Variants in DMD observed in about 807,000 individuals in gnomAD.
DMD encodes the protein dystrophin.
In DMD, 63 loss-of-function variants were observed where a neutral mutation model predicts 330.1. The ratio of observed to expected loss-of-function variants is 0.19; its 90% CI spans 0.16 to 0.24. The LOEUF (loss-of-function observed/expected upper bound fraction) is 0.24. Ranked by LOEUF, DMD falls within the 10% of genes least tolerant of loss-of-function variation. The pLI is 1.00. For missense variants in DMD, 3,344 were observed against 2,684.1 expected (o/e 1.25, Z -5.43); for synonymous variants, 1,223 against 959.8 (o/e 1.27, Z -5.07).
At chrX:32,931,117 T>C (rs1301974621) in intron 2 of DMD, among the ~76,000 whole-genome samples, 2 of 109,589 alleles carry the variant, frequency 1.8e-5, no homozygotes, top group Non-Finnish European at 3.8e-5. Flanking sequence ...ATATATTATA[T>C]GGATTCATAT....
chrX:32,074,065 A>C (rs1249896432), intron 44 of DMD, among the ~76,000 whole-genome samples: 1 of 111,943 alleles, frequency 8.9e-6, no homozygotes, highest in Non-Finnish European at 1.9e-5. Context: ...AAAAATTCTC[A>C]AACTTTTTCA....
At chrX:32,053,186 G>T (rs2096130965) in intron 44 of DMD, among the ~76,000 whole-genome samples, 1 of 111,402 alleles carries the variant, frequency 9.0e-6, no homozygotes, top group Admixed American at 9.5e-5. Flanking sequence ...GGGACATAGT[G>T]GTCAATGAAT....
At chrX:31,508,435 G>A (rs761198064) in intron 55 of DMD, 28 of 355,029 alleles carry the variant, frequency 7.9e-5, no homozygotes, top group Non-Finnish European at 1.2e-4. Context: ...GTAGCCAGGC[G>A]TGTGGATGTG....
chrX:31,990,251 G>T (rs2095541135), intron 44 of DMD, among the ~76,000 whole-genome samples: 1 of 111,609 alleles, frequency 9.0e-6, no homozygotes, highest in African/African-American at 3.3e-5. Flanking sequence ...GTCCTTTTGG[G>T]TGAGCTCTTT....
chrX:31,385,266 TATC>T (rs755253359), intron 60 of DMD, among the ~76,000 whole-genome samples: 1 of 111,831 alleles, frequency 8.9e-6, no homozygotes, highest in Non-Finnish European at 1.9e-5. Flanking sequence ...TTTAGAGAGT[TATC>T]ATCAGTCATT....
chrX:32,376,576 T>C (rs2097903798), intron 34 of DMD, among the ~76,000 whole-genome samples: 1 of 111,403 alleles, frequency 9.0e-6, no homozygotes, highest in Non-Finnish European at 1.9e-5. Context: ...AATAACATAA[T>C]CTAGTAAGAA....
At position 31,731,753 on chromosome X, in the gene DMD, T is replaced by G. The variant is rs938455746; in HGVS notation, c.7543-2005A>C. ...GATTATCTTTATTGGGTTGTTCTTC[T>G]TTTAATTCACTCTCACATAACCAGA... On this transcript the variant is annotated intron_variant, in intron 51 of 78. Transcript: ENST00000357033. Among the ~76,000 whole-genome samples the G allele has an allele frequency of 1.5e-4, 17 of 111,857 alleles. No homozygotes were observed. In the Admixed American group the frequency reaches 1.6e-3, roughly 11 times the overall value.
chrX:31,954,125 T>TA (rs1160041490), intron 45 of DMD, among the ~76,000 whole-genome samples: 1 of 111,441 alleles, frequency 9.0e-6, no homozygotes, highest in East Asian at 2.8e-4. Flanking sequence ...GTAATTCTAA[T>TA]AAAATCCAGG....
intron 2 of DMD, among the ~76,000 whole-genome samples, chrX:32,885,823 G>A (rs1338468491): frequency 3.7e-5 from 1 of 26,712 alleles, no homozygotes; most frequent in African/African-American, 9.8e-5. Context: ...TTTCCCTTGA[G>A]GGGGAAAAAA....
At chrX:32,750,970 G>A (rs1375086212) in intron 7 of DMD, among the ~76,000 whole-genome samples, 5 of 111,899 alleles carry the variant, frequency 4.5e-5, no homozygotes, top group East Asian at 2.8e-4. Context: ...CATGTAAGAC[G>A]TGACTTGCTC....
At chrX:31,769,451 T>C (rs1260810251) in intron 51 of DMD, among the ~76,000 whole-genome samples, 2 of 112,153 alleles carry the variant, frequency 1.8e-5, no homozygotes, top group Non-Finnish European at 3.8e-5. Context: ...GAATGGTCTT[T>C]ATTTCAGGTC....
chrX:33,271,494 C>T (rs1473468926), intron 1 of DMD, among the ~76,000 whole-genome samples: 3 of 111,449 alleles, frequency 2.7e-5, no homozygotes, highest in African/African-American at 6.5e-5. Flanking sequence ...AGGCTGGGCG[C>T]GGTGGCTCAT....
chrX:32,729,175 T>G (rs2067237402), intron 7 of DMD, among the ~76,000 whole-genome samples: 1 of 112,075 alleles, frequency 8.9e-6, no homozygotes, highest in South Asian at 3.7e-4. Context: ...TTAAGGGAAA[T>G]CCTTATTGAA....
intron 74 of DMD, among the ~76,000 whole-genome samples, chrX:31,158,291 G>A (rs2038391518): frequency 8.9e-6 from 1 of 111,806 alleles, no homozygotes; most frequent in Admixed American, 9.5e-5. Flanking sequence ...ACTAATACGG[G>A]CTATAATATA....
chrX:32,847,260 G>A (rs1158572590), intron 3 of DMD, among the ~76,000 whole-genome samples: 7 of 111,785 alleles, frequency 6.3e-5, no homozygotes, highest in Non-Finnish European at 1.3e-4. Flanking sequence ...ATGTGCATAT[G>A]TATTAGAACC....
chrX:31,162,415 G>C (rs1439054310), intron 74 of DMD, among the ~76,000 whole-genome samples: 1 of 95,250 alleles, frequency 1.0e-5, no homozygotes, highest in Admixed American at 1.2e-4. Flanking sequence ...CTCTTATCCA[G>C]CATGTTCTAG....
intron 1 of DMD, among the ~76,000 whole-genome samples, chrX:33,331,626 T>C (rs1292671362): frequency 3.6e-5 from 4 of 111,543 alleles, no homozygotes; most frequent in Non-Finnish European, 5.7e-5. Context: ...CAATATTTCT[T>C]CTGGAAATTT....
intron 43 of DMD, among the ~76,000 whole-genome samples, chrX:32,272,934 T>C (rs934654535): frequency 1.8e-5 from 2 of 111,851 alleles, no homozygotes; most frequent in Non-Finnish European, 3.8e-5. Flanking sequence ...TTAGGTAACT[T>C]ATATAACTTA....
intron 1 of DMD, among the ~76,000 whole-genome samples, chrX:33,088,660 G>A (rs1306590779): frequency 9.0e-6 from 1 of 110,967 alleles, no homozygotes; most frequent in East Asian, 2.8e-4. Flanking sequence ...ACTCCAGCCT[G>A]GGCGACAGAG....
Sources: allele counts gnomAD v4.1 joint callset (sites outside exome capture counted in the v4.1 genomes callset), GRCh38; gene constraint gnomAD v4.1.1; transcripts MANE v1.5; gene names NCBI Gene and HGNC (gene_info 2026-07-23, HGNC 2026-07-21).